Variants in PTPRD observed in about 807,000 individuals in gnomAD.
The protein encoded by PTPRD is receptor-type tyrosine-protein phosphatase delta.
A neutral mutation model predicts 214.5 loss-of-function variants in PTPRD; 34 were observed. The ratio of observed to expected loss-of-function variants is 0.16; its 90% CI spans 0.12 to 0.21. The LOEUF (loss-of-function observed/expected upper bound fraction) is 0.21. PTPRD is among the 10% of genes least tolerant of loss of function. The pLI, the probability that PTPRD is intolerant of heterozygous loss-of-function variation, is 1.00. For missense variants in PTPRD, 2,545 were observed against 2,398.7 expected (o/e 1.06, Z -1.27); for synonymous variants, 1,128 against 845.7 (o/e 1.33, Z -5.79).
At chr9:9,000,105 T>G (rs562680929) in intron 11 of PTPRD, among the ~76,000 whole-genome samples, 1 of 152,142 alleles carries the variant, frequency 6.6e-6, no homozygotes, top group African/African-American at 2.4e-5. Flanking sequence ...ATAATGGTTT[T>G]GCACAAGAGA....
At chr9:9,836,023 A>G (rs2056646648) in intron 5 of PTPRD, among the ~76,000 whole-genome samples, 1 of 152,172 alleles carries the variant, frequency 6.6e-6, no homozygotes, top group South Asian at 2.1e-4. Context: ...CTTCTAGTAC[A>G]AGGAACTTTT....
At chr9:9,656,963 C>CA (rs544020655) in intron 7 of PTPRD, among the ~76,000 whole-genome samples, 9 of 151,778 alleles carry the variant, frequency 5.9e-5, no homozygotes, top group East Asian at 3.9e-4. Context: ...TACATATTTA[C>CA]AAAAAAACTA....
intron 8 of PTPRD, among the ~76,000 whole-genome samples, chr9:9,472,272 C>G (rs1405056972): frequency 1.4e-5 from 2 of 146,292 alleles, no homozygotes; most frequent in Non-Finnish European, 3.0e-5. Context: ...GGCGCAATCT[C>G]GGCTCACTGC....
intron 10 of PTPRD, among the ~76,000 whole-genome samples, chr9:9,085,313 T>G (rs1432313757): frequency 6.6e-6 from 1 of 152,166 alleles, no homozygotes; most frequent in Non-Finnish European, 1.5e-5. Context: ...CCATTAAGTG[T>G]GAACATTTTA....
At chr9:9,413,147 G>A (rs1185893303) in intron 8 of PTPRD, among the ~76,000 whole-genome samples, 2 of 106,778 alleles carry the variant, frequency 1.9e-5, no homozygotes, top group South Asian at 3.3e-4. Flanking sequence ...TCGCTCTGTC[G>A]CCCAGGCCGG....
intron 9 of PTPRD, among the ~76,000 whole-genome samples, chr9:9,233,188 A>G (rs1035142049): frequency 6.6e-6 from 1 of 152,154 alleles, no homozygotes; most frequent in Non-Finnish European, 1.5e-5. Context: ...GCGAGGCCTC[A>G]GGAAACTCAC....
rs116264554 is a variant in PTPRD at position 10,351,775 on chromosome 9, G to A, written c.-599-10758C>T. Reference sequence around the variant, plus strand: ...TTCTTAATTTCCTAAGCTTTTTGAGGAATGAAAATTTGAAAACGCAGGAAA... The same window carrying A: ...TTCTTAATTTCCTAAGCTTTTTGAGAAATGAAAATTTGAAAACGCAGGAAA... On this transcript the variant is annotated intron_variant, in intron 2 of 45. Transcript: ENST00000381196. Among the ~76,000 whole-genome samples, 464 of 151,534 alleles carry A rather than the reference G, an allele frequency of 3.1e-3. 2 individuals carry two copies. Among genetic ancestry groups the A allele is most frequent in the African/African-American group, 0.01 (424 of 41,324 alleles).
chr9:10,033,485 C>A (rs1445210628), intron 4 of PTPRD, among the ~76,000 whole-genome samples: 1 of 151,638 alleles, frequency 6.6e-6, no homozygotes, highest in East Asian at 1.9e-4. Flanking sequence ...CTTTTTATTC[C>A]AGCACATAAT....
chr9:9,993,547 G>T (rs2154082261), intron 4 of PTPRD, among the ~76,000 whole-genome samples: 1 of 152,042 alleles, frequency 6.6e-6, no homozygotes, highest in African/African-American at 2.4e-5. Context: ...TGCCAAAGTA[G>T]GAAAAATACA....
intron 3 of PTPRD, among the ~76,000 whole-genome samples, chr9:10,197,525 A>G (rs1377802712): frequency 6.6e-6 from 1 of 152,126 alleles, no homozygotes; most frequent in Non-Finnish European, 1.5e-5. Context: ...TGCTTTACTT[A>G]TTACAGGGAA....
intron 9 of PTPRD, among the ~76,000 whole-genome samples, chr9:9,216,415 T>C (rs1268559927): frequency 6.6e-6 from 1 of 152,280 alleles, no homozygotes; most frequent in Non-Finnish European, 1.5e-5. Context: ...TGGGATAAAA[T>C]ATGTAATCCT....
intron 11 of PTPRD, among the ~76,000 whole-genome samples, chr9:8,801,859 CCA>C (rs759806005): frequency 3.9e-4 from 60 of 152,214 alleles, no homozygotes; most frequent in Non-Finnish European, 8.2e-4. Flanking sequence ...AATGGTATTA[CCA>C]CAGTTATTTG....
At chr9:8,737,544 G>C (rs1379394603) in intron 11 of PTPRD, among the ~76,000 whole-genome samples, 2 of 151,632 alleles carry the variant, frequency 1.3e-5, no homozygotes, top group African/African-American at 4.8e-5. Context: ...AGAGCAAGGA[G>C]GTTCAGTGAT....
In PTPRD at chr9:9,028,368, G is replaced by T. The variant is rs111298522; in HGVS notation, c.-142-9633C>A. On this transcript the variant is annotated intron_variant, in intron 10 of 45. Coordinates refer to ENST00000381196, the MANE Select transcript of PTPRD (RefSeq NM_002839.4). The stretch of plus-strand genomic sequence containing the variant: ...AATTGCAGAACTAAAATTATAGCAG[G>T]TCACCTGACTTTCTATTTAGTTTGT... Among the ~76,000 whole-genome samples, 197 of 151,934 alleles carry T rather than the reference G, an allele frequency of 1.3e-3. 1 individual carries two copies. Among genetic ancestry groups the T allele is most frequent in the African/African-American group, 4.4e-3 (184 of 41,480 alleles).
intron 34 of PTPRD, among the ~76,000 whole-genome samples, chr9:8,441,711 A>G (rs1054975985): frequency 9.9e-5 from 15 of 152,068 alleles, no homozygotes; most frequent in Non-Finnish European, 2.9e-5. Flanking sequence ...TTCATCCCCT[A>G]TGGGTTCATC....
rs1046197077 is a variant in PTPRD, at chr9:9,644,026, T to C, written c.-286-69245A>G. Among the ~76,000 whole-genome samples, 3 of 152,204 alleles carry C rather than the reference T, an allele frequency of 2.0e-5. 1 individual carries two copies. The highest frequency in any genetic ancestry group is 4.4e-5 in the Non-Finnish European group (3 of 68,036). ...TAATTTTAACAGAAAGATTTATACA[T>C]TGCAAAGATATGCTTTTTAAAATGC... On this transcript the variant is annotated intron_variant, in intron 7 of 45. Transcript: ENST00000381196.
At chr9:9,307,614 T>G (rs1177780829) in intron 9 of PTPRD, among the ~76,000 whole-genome samples, 1 of 152,150 alleles carries the variant, frequency 6.6e-6, no homozygotes, top group Non-Finnish European at 1.5e-5. Context: ...CCATTATTTC[T>G]TGACTACCCC....
At chr9:9,563,347 A>G (rs553847492) in intron 8 of PTPRD, among the ~76,000 whole-genome samples, 58 of 152,294 alleles carry the variant, frequency 3.8e-4, no homozygotes, top group South Asian at 8.3e-4. Flanking sequence ...GAATGCTTTG[A>G]CAATATGATA....
chr9:9,041,661 C>T (rs75139354), intron 10 of PTPRD, among the ~76,000 whole-genome samples: 2,195 of 152,240 alleles, frequency 0.014, 30 homozygotes, highest in East Asian at 0.039. Flanking sequence ...TGAGTAAATA[C>T]ATTCACAATT....
Sources: allele counts gnomAD v4.1 joint callset (sites outside exome capture counted in the v4.1 genomes callset), GRCh38; gene constraint gnomAD v4.1.1; transcripts MANE v1.5; gene names NCBI Gene and HGNC (gene_info 2026-07-23, HGNC 2026-07-21).